SLC8A1: variants seen among roughly 807,000 people sequenced by gnomAD.
SLC8A1 encodes solute carrier family 8 member A1, also known as sodium/calcium exchanger 1.
Under a neutral mutation model 68.3 loss-of-function variants are expected in SLC8A1, and 18 were observed. That is an observed-to-expected ratio of 0.26 (90% CI 0.18 to 0.39). SLC8A1 has a LOEUF of 0.39. Ranked by LOEUF, SLC8A1 falls within the 10% of genes least tolerant of loss-of-function variation. The probability of loss-of-function intolerance (pLI) is 1.00; values close to 1 mark genes in which losing one functional copy is unlikely to be tolerated. For synonymous variants in SLC8A1, 475 were observed against 415.5 expected, an observed-to-expected ratio of 1.14 and a Z score of -1.74; for missense variants, 985 against 1,156.7, an observed-to-expected ratio of 0.85 and a Z score of 2.15.
chr2:40,245,443 G>T (rs1481879549), intron 2 of SLC8A1, among the ~76,000 whole-genome samples: 1 of 152,160 alleles, frequency 6.6e-6, no homozygotes, highest in Non-Finnish European at 1.5e-5. Flanking sequence ...TCTAAAGTGG[G>T]TTAGTGGCAT....
At chr2:40,328,143 G>A (rs961426492) in intron 2 of SLC8A1, among the ~76,000 whole-genome samples, 1 of 151,986 alleles carries the variant, frequency 6.6e-6, no homozygotes, top group East Asian at 1.9e-4. Flanking sequence ...GATGAGTTGA[G>A]GTAGAAACTA....
intron 2 of SLC8A1, among the ~76,000 whole-genome samples, chr2:40,335,829 G>C (rs1473801021): frequency 6.6e-6 from 1 of 152,166 alleles, no homozygotes; most frequent in East Asian, 1.9e-4. Context: ...CAGGCTCTTT[G>C]GGAACCTGAT....
chr2:40,385,598 C>A (rs928378807), intron 2 of SLC8A1, among the ~76,000 whole-genome samples: 3 of 151,166 alleles, frequency 2.0e-5, no homozygotes, highest in African/African-American at 7.4e-5. Context: ...TGAGGAGCAA[C>A]ATAAAACAAA....
intron 6 of SLC8A1, among the ~76,000 whole-genome samples, chr2:40,159,057 A>G (rs1218592675): frequency 6.6e-6 from 1 of 152,142 alleles, no homozygotes; most frequent in Non-Finnish European, 1.5e-5. Context: ...GAATGAACCA[A>G]CGTAAACCAC....
chr2:40,414,773 T>C (rs1316502525), intron 2 of SLC8A1, among the ~76,000 whole-genome samples: 2 of 152,162 alleles, frequency 1.3e-5, no homozygotes, highest in Admixed American at 6.6e-5. Flanking sequence ...TGGAAACATA[T>C]AGCTAACTTG....
intron 4 of SLC8A1, among the ~76,000 whole-genome samples, chr2:40,168,382 C>T (rs1470013672): frequency 6.6e-6 from 1 of 152,020 alleles, no homozygotes; most frequent in Non-Finnish European, 1.5e-5. Flanking sequence ...TCATTCCAGG[C>T]AGAGAGAAAT....
At chr2:40,172,530 T>A (rs930547931) in intron 4 of SLC8A1, among the ~76,000 whole-genome samples, 2 of 152,062 alleles carry the variant, frequency 1.3e-5, no homozygotes, top group African/African-American at 4.8e-5. Flanking sequence ...AGTTGGATAT[T>A]ATCAGACAGA....
At chr2:40,413,407 G>A (rs1692801460) in intron 2 of SLC8A1, among the ~76,000 whole-genome samples, 1 of 152,080 alleles carries the variant, frequency 6.6e-6, no homozygotes, top group Non-Finnish European at 1.5e-5. Flanking sequence ...ATACACCATG[G>A]AATACTATGC....
At chr2:40,364,507 T>G (rs895234661) in intron 2 of SLC8A1, among the ~76,000 whole-genome samples, 1 of 64,922 alleles carries the variant, frequency 1.5e-5, no homozygotes, top group African/African-American at 1.8e-4. Context: ...TAAAATTGAA[T>G]CCTTTTTTTT....
At chr2:40,171,615 A>T (rs2047507680) in intron 4 of SLC8A1, among the ~76,000 whole-genome samples, 1 of 152,232 alleles carries the variant, frequency 6.6e-6, no homozygotes, top group Non-Finnish European at 1.5e-5. Context: ...GGTAGAAATA[A>T]GCTAGAGGAG....
At chr2:40,304,155 G>A (rs969892291) in intron 2 of SLC8A1, among the ~76,000 whole-genome samples, 4 of 152,212 alleles carry the variant, frequency 2.6e-5, no homozygotes, top group South Asian at 2.1e-4. Flanking sequence ...ACATGGTAGT[G>A]TTTTAATGGT....
chr2:40,502,655 T>C (rs1200604636), intron 1 of SLC8A1, among the ~76,000 whole-genome samples: 1 of 152,066 alleles, frequency 6.6e-6, no homozygotes, highest in African/African-American at 2.4e-5. Context: ...TTCATGTGAC[T>C]TTGAATAATA....
exon 8 of SLC8A1, chr2:40,104,980 A>G (rs1425019131): frequency 6.6e-6 from 1 of 152,104 alleles, no homozygotes; most frequent in Non-Finnish European, 1.5e-5. Context: ...CAATGTTAAT[A>G]TAGAGACAAT....
At chr2:40,296,143 G>A (rs546170261) in intron 2 of SLC8A1, among the ~76,000 whole-genome samples, 7 of 152,258 alleles carry the variant, frequency 4.6e-5, no homozygotes, top group Admixed American at 3.3e-4. Flanking sequence ...AATTCATTTA[G>A]TTGGATCTGA....
intron 1 of SLC8A1, among the ~76,000 whole-genome samples, chr2:40,511,769 G>GT (rs1188790389): frequency 1.3e-5 from 2 of 152,120 alleles, no homozygotes; most frequent in South Asian, 2.1e-4. Context: ...TTCAACTTGC[G>GT]TAAGACCCCG....
intron 2 of SLC8A1, among the ~76,000 whole-genome samples, chr2:40,264,790 G>A (rs868587519): frequency 6.6e-6 from 1 of 152,106 alleles, no homozygotes; most frequent in South Asian, 2.1e-4. Context: ...CATGGCACAT[G>A]TATACATATG....
At chr2:40,127,384 G>GCAACCAGAA (rs2038350047) in intron 7 of SLC8A1, among the ~76,000 whole-genome samples, 1 of 152,128 alleles carries the variant, frequency 6.6e-6, no homozygotes, top group Non-Finnish European at 1.5e-5. Context: ...CAAACCAAGT[G>GCAACCAGAA]CTGGTTCCCC....
At position 40,228,842 on chromosome 2, in the gene SLC8A1, A is replaced by C. The variant is rs187183499; in HGVS notation, c.1809-50987T>G. Among the ~76,000 whole-genome samples the C allele has an allele frequency of 2.6e-5, 4 of 152,274 alleles. No individual in the cohort carries two copies. The East Asian group carries it at 7.7e-4, about 29-fold the overall frequency. On this transcript the variant is annotated intron_variant, in intron 2 of 7. Coordinates refer to ENST00000406785, the Ensembl canonical transcript of SLC8A1. ...GGGTGGAGGAGGGTGGAAAAAAGCT[A>C]TACCTATTGTTAGAGAAATTTGCAG...
chr2:40,167,197 A>G (rs1290106948), intron 4 of SLC8A1, among the ~76,000 whole-genome samples: 1 of 152,200 alleles, frequency 6.6e-6, no homozygotes, highest in African/African-American at 2.4e-5. Flanking sequence ...CCTTCTGATC[A>G]GGAAGAAATG....
Sources: gnomAD v4.1 joint callset for allele counts (sites outside exome capture counted in the v4.1 genomes callset) on GRCh38, gnomAD v4.1.1 for gene constraint, MANE v1.5 for transcripts, NCBI Gene and HGNC (gene_info 2026-07-23, HGNC 2026-07-21) for gene names.